Variants in KCNJ15 observed in about 807,000 individuals in gnomAD.
The protein encoded by KCNJ15 is ATP-sensitive inward rectifier potassium channel 15.
In KCNJ15, 14 loss-of-function variants were observed where a neutral mutation model predicts 23.0. The observed-to-expected ratio is 0.61, with a 90% CI of 0.40 to 0.95. The LOEUF is 0.95. Ranked by LOEUF, KCNJ15 falls within the 40% of genes least tolerant of loss-of-function variation. The pLI is 0.00. For missense variants in KCNJ15, 388 were observed against 461.8 expected (o/e 0.84, Z 1.46); for synonymous variants, 185 against 183.2 (o/e 1.01, Z -0.08).
intron 1 of KCNJ15, among the ~76,000 whole-genome samples, chr21:38,288,648 G>T (rs775398720): frequency 6.6e-6 from 1 of 152,162 alleles, no homozygotes; most frequent in Non-Finnish European, 1.5e-5. Context: ...TAAATGTGAG[G>T]CAAAGAAAGA....
intron 1 of KCNJ15, among the ~76,000 whole-genome samples, chr21:38,293,379 C>G (rs148243407): frequency 1.5e-3 from 221 of 152,228 alleles, no homozygotes; most frequent in Non-Finnish European, 2.2e-3. Context: ...ACACCTGACA[C>G]AAGGGAGTAG....
rs963978017 is a variant in KCNJ15, at chr21:38,238,313, G to C, written c.-398-18733G>C. The C allele has an allele frequency of 4.3e-5, 31 of 714,860 alleles. No homozygotes were observed. In the African/African-American group the frequency reaches 4.9e-4, roughly 11 times the overall value. The allele number at this position is 714,860 out of a possible 1,614,324, so 44.3% of individuals were successfully genotyped here. On this transcript the variant is annotated intron_variant, in intron 1 of 4. Coordinates refer to the KCNJ15 transcript ENST00000547341. ...TTCTCACACACATACGCAGTGGCCTGGTCTTCCTGCCTTCGGAGGGTACTC... is the reference window on the plus strand; with the variant it reads ...TTCTCACACACATACGCAGTGGCCTCGTCTTCCTGCCTTCGGAGGGTACTC...
chr21:38,235,705 T>A (rs931751361), intron 1 of KCNJ15, among the ~76,000 whole-genome samples: 1 of 152,220 alleles, frequency 6.6e-6, no homozygotes, highest in Non-Finnish European at 1.5e-5. Context: ...TTTTTCTTTG[T>A]TTTGATTGCA....
At chr21:38,276,704 C>T (rs956177272) in intron 1 of KCNJ15, among the ~76,000 whole-genome samples, 8 of 151,684 alleles carry the variant, frequency 5.3e-5, no homozygotes, top group Non-Finnish European at 7.4e-5. Context: ...TTTGGTACCC[C>T]GAACCTAAAA....
chr21:38,286,016 G>A (rs1433759324), intron 1 of KCNJ15, among the ~76,000 whole-genome samples: 2 of 152,168 alleles, frequency 1.3e-5, no homozygotes, highest in African/African-American at 4.8e-5. Context: ...GGCCGAGGCG[G>A]GCGGATCACG....
At chr21:38,270,731 A>C (rs2836264) in intron 1 of KCNJ15, among the ~76,000 whole-genome samples, 57,896 of 152,004 alleles carry the variant, frequency 0.38, 12,631 homozygotes, top group African/African-American at 0.6. Context: ...TGTCAAAACT[A>C]AGAGAACATA....
chr21:38,279,313 C>T (rs1363487908), intron 1 of KCNJ15, among the ~76,000 whole-genome samples: 1 of 152,038 alleles, frequency 6.6e-6, no homozygotes, highest in Non-Finnish European at 1.5e-5. Flanking sequence ...ATCTGGAACA[C>T]AAAAAGTCTA....
At chr21:38,248,566 G>A (rs1238870444) in intron 1 of KCNJ15, among the ~76,000 whole-genome samples, 3 of 152,020 alleles carry the variant, frequency 2.0e-5, no homozygotes, top group African/African-American at 4.8e-5. Context: ...CACTTTGAGG[G>A]CATGCAAATT....
rs759974093 is a variant in KCNJ15, at chr21:38,299,572, A to G, written c.311A>G (p.His104Arg). 467 of 1,613,910 alleles carry G rather than the reference A, an allele frequency of 2.9e-4. 1 individual carries two copies. The highest frequency in any genetic ancestry group is 3.7e-4 in the Non-Finnish European group (441 of 1,180,008). ...DLEPGEPISN[H>R]TPCIMKVDSL... ...GAACCCGGTGAGCCCATTTCAAATC[A>G]TACCCCCTGCATCATGAAAGTGGAC... Residue 104 changes from histidine (H) to arginine (R), a missense_variant, in exon 3 of 3, where the codon CAT (histidine) becomes CGT (arginine). Coordinates refer to ENST00000398938, the MANE Select transcript of KCNJ15 (RefSeq NM_170736.3). The surrounding 1 kb of genome is among the most constrained non-coding windows in gnomAD (Gnocchi z 4.5).
At chr21:38,271,881 CTGCTAGCA>C (rs779574257) in intron 1 of KCNJ15, among the ~76,000 whole-genome samples, 5 of 152,330 alleles carry the variant, frequency 3.3e-5, no homozygotes, top group Non-Finnish European at 7.3e-5. Context: ...TCATGGGAAG[CTGCTAGCA>C]TGCTCCCATT....
At chr21:38,238,465 C>T in intron 1 of KCNJ15, 1 of 661,658 alleles carries the variant, frequency 1.5e-6, no homozygotes, top group Non-Finnish European at 2.9e-6. Flanking sequence ...CTGGCGGTCT[C>T]CACAGATGGT....
In KCNJ15 at chr21:38,238,556, G is replaced by A. The variant is rs555691237; in HGVS notation, c.-398-18490G>A. 9.9e-4 allele frequency: 628 copies of A among 634,334 alleles called. 1 individual carries two copies. Among genetic ancestry groups the A allele is most frequent in the Non-Finnish European group, 1.3e-3 (431 of 334,266 alleles). The allele number at this position is 634,334 out of a possible 1,614,324, so 39.3% of individuals were successfully genotyped here. On this transcript the variant is annotated intron_variant, in intron 1 of 4. Coordinates refer to the KCNJ15 transcript ENST00000547341. ...GCCACCGGGACATGGTGCATGTGCTGGGAGAAGGCAGTCACTAGGCACACA... is the reference window on the plus strand; with the variant it reads ...GCCACCGGGACATGGTGCATGTGCTAGGAGAAGGCAGTCACTAGGCACACA...
At position 38,303,372 on chromosome 21, in the gene KCNJ15, C is replaced by G. The variant is rs1038657013; in HGVS notation, c.*2983C>G. On this transcript the variant is annotated 3_prime_UTR_variant, in exon 3 of 3. Transcript: ENST00000398938. ...AATGTGTTAGGTTTTCTCAATGAGA[C>G]CATTAAAAAACGTTGTGTTCCATTT... 1 of 151,902 alleles carries G rather than the reference C, an allele frequency of 6.6e-6. No homozygotes were observed. The highest frequency in any genetic ancestry group is 2.1e-4 in the South Asian group (1 of 4,808). 9.4% of individuals were successfully genotyped at this position (151,902 alleles called of 1,614,324 possible).
intron 1 of KCNJ15, among the ~76,000 whole-genome samples, chr21:38,290,030 T>C (rs1250891950): frequency 1.3e-5 from 2 of 152,240 alleles, no homozygotes; most frequent in African/African-American, 4.8e-5. Context: ...GTAATAATGT[T>C]CAGCGGAGGT....
At position 38,303,158 on chromosome 21, in the gene KCNJ15, C is replaced by T. The variant is rs1985914902; in HGVS notation, c.*2769C>T. 1 of 151,878 alleles carries T rather than the reference C, an allele frequency of 6.6e-6. No individual in the cohort carries two copies. Among genetic ancestry groups the T allele is most frequent in the Non-Finnish European group, 1.5e-5 (1 of 68,006 alleles). 9.4% of individuals were successfully genotyped at this position (151,878 alleles called of 1,614,324 possible). On this transcript the variant is annotated 3_prime_UTR_variant, in exon 3 of 3. Coordinates refer to ENST00000398938, the MANE Select transcript of KCNJ15 (RefSeq NM_170736.3). Reference sequence around the variant, plus strand: ...ACTTACCATTTTCCTGGAACCTTAACTATTATTACTTTGTACGTAATACTT... The same window carrying T: ...ACTTACCATTTTCCTGGAACCTTAATTATTATTACTTTGTACGTAATACTT...
intron 1 of KCNJ15, among the ~76,000 whole-genome samples, chr21:38,250,300 G>A (rs1338768516): frequency 6.6e-6 from 1 of 152,200 alleles, no homozygotes; most frequent in East Asian, 1.9e-4. Context: ...ATCAGGGTTT[G>A]AATGACATTC....
At chr21:38,262,603 A>G (rs1372726433) in intron 1 of KCNJ15, among the ~76,000 whole-genome samples, 2 of 152,240 alleles carry the variant, frequency 1.3e-5, no homozygotes, top group African/African-American at 4.8e-5. Context: ...TCAAAATTAA[A>G]CATTAAGTGC....
In KCNJ15 at chr21:38,302,057, C is replaced by CGT. The variant is rs1985837429; in HGVS notation, c.*1669_*1670insTG. 1.6e-5 allele frequency: 2 copies of CGT among 126,530 alleles called. No homozygotes were observed. The highest frequency in any genetic ancestry group is 3.0e-5 in the Non-Finnish European group (2 of 67,152). The allele number at this position is 126,530 out of a possible 1,614,324, so 7.8% of individuals were successfully genotyped here. A position where few individuals can be genotyped will look rare whatever the true frequency, so the allele number is the denominator to read the frequency against. The stretch of plus-strand genomic sequence containing the variant: ...GTAAACACATGCACACATGCACACA[C>CGT]GCGCACACATGCACACACGCACACA... On this transcript the variant is annotated 3_prime_UTR_variant, in exon 3 of 3. Transcript: ENST00000398938.
chr21:38,279,455 G>T (rs1233513559), intron 1 of KCNJ15, among the ~76,000 whole-genome samples: 2 of 152,148 alleles, frequency 1.3e-5, no homozygotes, highest in African/African-American at 4.8e-5. Flanking sequence ...AGAAGAGGAA[G>T]AACCTACAGA....
Sources: gnomAD v4.1 joint callset for allele counts (sites outside exome capture counted in the v4.1 genomes callset) on GRCh38, gnomAD v4.1.1 for gene constraint, Gnocchi (gnomAD v3.1) non-coding constraint, MANE v1.5 for transcripts, NCBI Gene and HGNC (gene_info 2026-07-23, HGNC 2026-07-21) for gene names.